Variants in CLIP1 observed in about 807,000 individuals in gnomAD.
CLIP1 encodes the protein CAP-Gly domain containing linker protein 1.
Under a neutral mutation model 161.6 loss-of-function variants are expected in CLIP1, and 66 were observed. The observed-to-expected ratio is 0.41, with a 90% CI of 0.33 to 0.50. The LOEUF (loss-of-function observed/expected upper bound fraction) is 0.50. Among genes scored for constraint, CLIP1 ranks in the 20% least tolerant of loss-of-function variants. The probability of loss-of-function intolerance (pLI) is 0.27; values close to 1 mark genes in which losing one functional copy is unlikely to be tolerated. For synonymous variants in CLIP1, 598 were observed against 626.2 expected, an observed-to-expected ratio of 0.96 and a Z score of 0.67; for missense variants, 1,376 against 1,702.0, an observed-to-expected ratio of 0.81 and a Z score of 3.37.
chr12:122,288,341 T>C (rs992361410), intron 21 of CLIP1, 148 bp downstream of exon 21: 48 of 681,980 alleles, frequency 7.0e-5, no homozygotes, highest in Non-Finnish European at 1.1e-4. Flanking sequence ...TGGATTTTCA[T>C]ATTTTGTCAG....
At chr12:122,377,313 G>T in intron 3 of CLIP1, 76 bp downstream of exon 3, 2 of 1,352,428 alleles carry the variant, frequency 1.5e-6, no homozygotes, top group Non-Finnish European at 2.1e-6. Flanking sequence ...CAGCCCTGAT[G>T]TGTGTGTATT....
chr12:122,352,582 T>G (rs540051526), intron 8 of CLIP1, 144 bp downstream of exon 8: 4 of 697,380 alleles, frequency 5.7e-6, no homozygotes, highest in African/African-American at 1.8e-5. Context: ...ACCGGCACCG[T>G]CACCACAAAG....
chr12:122,415,848 A>T (rs1956738593), intron 1 of CLIP1, among the ~76,000 whole-genome samples: 1 of 152,142 alleles, frequency 6.6e-6, no homozygotes, highest in Non-Finnish European at 1.5e-5. Flanking sequence ...TTGAACTATA[A>T]AACTTTAAGA....
At chr12:122,338,625 G>C (rs1465813938) in intron 11 of CLIP1, among the ~76,000 whole-genome samples, 1 of 152,138 alleles carries the variant, frequency 6.6e-6, no homozygotes, top group Non-Finnish European at 1.5e-5. Context: ...GCTGAGGCAG[G>C]AGAATCGCTT....
intron 18 of CLIP1, among the ~76,000 whole-genome samples, chr12:122,318,879 G>A (rs1951371442): frequency 1.3e-5 from 2 of 152,212 alleles, no homozygotes; most frequent in African/African-American, 4.8e-5. Context: ...CAGGGCTGAG[G>A]AAGAAAACTT....
chr12:122,353,303 C>T (rs1015190089), intron 7 of CLIP1, among the ~76,000 whole-genome samples: 1 of 151,118 alleles, frequency 6.6e-6, no homozygotes, highest in Non-Finnish European at 1.5e-5. Flanking sequence ...GATCGTATGA[C>T]TGCACTCCAG....
chr12:122,307,219 G>C (rs1168776755), intron 20 of CLIP1, among the ~76,000 whole-genome samples: 1 of 151,842 alleles, frequency 6.6e-6, no homozygotes, highest in Non-Finnish European at 1.5e-5. Flanking sequence ...ATCTTGGCCA[G>C]GCCGGTCTCG....
intron 2 of CLIP1, 78 bp from the exon 3 acceptor site, chr12:122,378,038 G>A: frequency 7.8e-7 from 1 of 1,283,674 alleles, no homozygotes. Flanking sequence ...ACTAGAGAAA[G>A]CCAACAGCCC....
chr12:122,387,481 G>A (rs1955328458), intron 1 of CLIP1, among the ~76,000 whole-genome samples: 1 of 147,604 alleles, frequency 6.8e-6, no homozygotes. Flanking sequence ...TTAAGAGTGT[G>A]ATGAAGCATT....
chr12:122,409,307 G>C (rs1433853849), intron 1 of CLIP1, among the ~76,000 whole-genome samples: 1 of 139,838 alleles, frequency 7.2e-6, no homozygotes, highest in Non-Finnish European at 1.6e-5. Flanking sequence ...TATATTTTTA[G>C]TAGAGACAGG....
intron 15 of CLIP1, among the ~76,000 whole-genome samples, chr12:122,330,492 T>C (rs965216327): frequency 1.3e-5 from 2 of 151,912 alleles, no homozygotes; most frequent in Non-Finnish European, 2.9e-5. Context: ...GATTTTTATA[T>C]GACAGCTATT....
chr12:122,388,088 C>T (rs1261251461), intron 1 of CLIP1, among the ~76,000 whole-genome samples: 1 of 152,150 alleles, frequency 6.6e-6, no homozygotes, highest in Non-Finnish European at 1.5e-5. Context: ...ACATGCATTT[C>T]TATAAAGCAG....
intron 1 of CLIP1, among the ~76,000 whole-genome samples, chr12:122,398,479 A>G (rs1035190144): frequency 5.3e-5 from 8 of 151,956 alleles, no homozygotes; most frequent in Admixed American, 2.0e-4. Flanking sequence ...GAAATGCTTT[A>G]TATCACAAAA....
At chr12:122,298,284 T>C (rs1327583719) in intron 20 of CLIP1, among the ~76,000 whole-genome samples, 2 of 152,216 alleles carry the variant, frequency 1.3e-5, no homozygotes, top group African/African-American at 4.8e-5. Context: ...TTTAAGTTGA[T>C]ATGAATATGT....
rs745762522 is a variant in CLIP1 at position 122,328,353 on chromosome 12, C to T, written c.2941G>A (p.Asp981Asn). 3 of 1,613,408 alleles carry T rather than the reference C, an allele frequency of 1.9e-6. No individual in the cohort carries two copies. Among genetic ancestry groups the T allele is most frequent in the East Asian group, 4.5e-5 (2 of 44,836 alleles). ...CTCTGTTCAGCTTTGACAGTCATGT[C>T]CTCAATACTTTTTTGCAGAAAACTT... is the stretch of plus-strand genomic sequence containing the variant. ...NASFLQKSIE[D>N]MTVKAEQSQQ... The change falls in exon 16 of 26, where the codon GAC (aspartate) becomes AAC (asparagine). Residue 981 changes from aspartate (D) to asparagine (N), a missense_variant. By Grantham distance (23) the Asp-to-Asn change is conservative. This residue lies in a region of CLIP1 where 948 missense variants were observed against 1,134.8 expected (regional missense o/e 0.84). Transcript: ENST00000620786.
chr12:122,366,926 A>T (rs1320602380), intron 3 of CLIP1, among the ~76,000 whole-genome samples: 1 of 152,162 alleles, frequency 6.6e-6, no homozygotes, highest in Non-Finnish European at 1.5e-5. Flanking sequence ...ACCTATATAA[A>T]ATTGGTCTCA....
intron 20 of CLIP1, among the ~76,000 whole-genome samples, chr12:122,291,062 T>A (rs1950229681): frequency 6.6e-6 from 1 of 151,974 alleles, no homozygotes; most frequent in South Asian, 2.1e-4. Flanking sequence ...TGGATCATTT[T>A]TTGTATTTTT....
chr12:122,365,676 TTA>T, intron 3 of CLIP1: 2 of 570,558 alleles, frequency 3.5e-6, no homozygotes, highest in South Asian at 1.9e-5. Flanking sequence ...TCTGGGCTAT[TTA>T]AAAAAAAAAA....
intron 10 of CLIP1, 117 bp from the exon 11 acceptor site, chr12:122,341,814 G>C (rs7398694): frequency 1.8e-6 from 1 of 570,090 alleles, no homozygotes; most frequent in Non-Finnish European, 2.5e-6. Flanking sequence ...ATGGAGTTTC[G>C]CTCTTCTTAC....
Sources: allele counts gnomAD v4.1 joint callset (sites outside exome capture counted in the v4.1 genomes callset), GRCh38; gene constraint gnomAD v4.1.1; regional missense constraint gnomAD v4.1.1; transcripts MANE v1.5; gene names NCBI Gene and HGNC (gene_info 2026-07-23, HGNC 2026-07-21).